SEMA6D: variants seen among roughly 807,000 people sequenced by gnomAD.
The protein encoded by SEMA6D is semaphorin 6D.
A neutral mutation model predicts 106.6 loss-of-function variants in SEMA6D; 35 were observed. The observed-to-expected ratio is 0.33, with a 90% CI of 0.25 to 0.44. The LOEUF is 0.44. Ranked by LOEUF, SEMA6D falls within the 20% of genes least tolerant of loss-of-function variation. SEMA6D has a pLI of 1.00. For synonymous variants in SEMA6D, 499 were observed against 487.7 expected (o/e 1.02, Z -0.31); for missense variants, 1,185 against 1,345.9 (o/e 0.88, Z 1.87).
intron 1 of SEMA6D, among the ~76,000 whole-genome samples, chr15:47,210,823 A>G (rs1208844633): frequency 6.6e-6 from 1 of 151,894 alleles, no homozygotes; most frequent in Non-Finnish European, 1.5e-5. Context: ...GGCTGCGAAA[A>G]TGATGGTCCA....
At chr15:47,429,871 C>A (rs1173004300) in intron 2 of SEMA6D, among the ~76,000 whole-genome samples, 2 of 152,062 alleles carry the variant, frequency 1.3e-5, no homozygotes, top group Admixed American at 1.3e-4. Context: ...AGTTTGGGGA[C>A]CTCAGTAGCA....
chr15:47,727,165 T>C (rs1163496455), intron 1 of SEMA6D, among the ~76,000 whole-genome samples: 1 of 152,190 alleles, frequency 6.6e-6, no homozygotes, highest in Non-Finnish European at 1.5e-5. Context: ...ATCTGAATAA[T>C]GTCATAAAAA....
At chr15:47,603,102 A>C (rs1294946574) in intron 4 of SEMA6D, among the ~76,000 whole-genome samples, 1 of 152,160 alleles carries the variant, frequency 6.6e-6, no homozygotes, top group Non-Finnish European at 1.5e-5. Context: ...ATGTGAAGAT[A>C]CTGGTGTTTT....
intron 2 of SEMA6D, among the ~76,000 whole-genome samples, chr15:47,458,004 A>G (rs2042395484): frequency 6.6e-6 from 1 of 152,024 alleles, no homozygotes; most frequent in Non-Finnish European, 1.5e-5. Flanking sequence ...AACCTCTTAA[A>G]GTACTGAAAG....
At chr15:47,764,593 G>A (rs200011469) in intron 11 of SEMA6D, 45 bp from the exon 12 acceptor site, 33 of 1,606,352 alleles carry the variant, frequency 2.1e-5, no homozygotes, top group Admixed American at 2.0e-4. Flanking sequence ...TACATGGTGT[G>A]GCAGGGGCAG....
chr15:47,697,285 C>T (rs886994824), intron 4 of SEMA6D, among the ~76,000 whole-genome samples: 2 of 152,178 alleles, frequency 1.3e-5, no homozygotes, highest in East Asian at 1.9e-4. Flanking sequence ...AAGGACATGT[C>T]TGTTCACAGG....
chr15:47,279,736 AG>A (rs1240427737), intron 1 of SEMA6D, among the ~76,000 whole-genome samples: 2 of 152,074 alleles, frequency 1.3e-5, no homozygotes, highest in East Asian at 1.9e-4. Flanking sequence ...TTTAGCATGA[AG>A]GGTTGTTGAA....
At chr15:47,221,501 C>T (rs2031207026) in intron 1 of SEMA6D, among the ~76,000 whole-genome samples, 1 of 151,964 alleles carries the variant, frequency 6.6e-6, no homozygotes, top group Non-Finnish European at 1.5e-5. Context: ...TCCAAGGACC[C>T]CAATGACATC....
intron 5 of SEMA6D, 47 bp downstream of exon 5, chr15:47,761,267 C>A (rs1452779330): frequency 1.9e-6 from 3 of 1,606,558 alleles, no homozygotes; most frequent in Middle Eastern, 3.3e-4. Context: ...TTTCTGTGGG[C>A]TTGATACCAC....
rs1169295855 is a variant in SEMA6D, at chr15:47,422,176, GCCTGCCTT to G, written c.-159+9708_-159+9715del. On this transcript the variant is annotated intron_variant, in intron 2 of 19. Transcript: ENST00000558014. ...ACTCTTATTTTTTGCCCGCCCGCCT[GCCTGCCTT>G]CCTTCCTTCCTTCCTTCCTTCCTTC... 6.7e-5 allele frequency among the ~76,000 whole-genome samples: 5 copies of G among 74,800 alleles called. No individual in the cohort carries two copies. The South Asian group carries it at 2.2e-3, about 33-fold the overall frequency. 49.1% of individuals were successfully genotyped at this position (74,800 alleles called of 152,430 possible). A position where few individuals can be genotyped will look rare whatever the true frequency, so the allele number is the denominator to read the frequency against.
intron 3 of SEMA6D, among the ~76,000 whole-genome samples, chr15:47,596,453 C>T (rs1198348594): frequency 6.6e-6 from 1 of 151,980 alleles, no homozygotes; most frequent in East Asian, 1.9e-4. Flanking sequence ...TATAGTATTG[C>T]AAAAGACACC....
chr15:47,518,819 T>C (rs79380386), intron 3 of SEMA6D, among the ~76,000 whole-genome samples: 2,288 of 152,262 alleles, frequency 0.015, 33 homozygotes, highest in African/African-American at 0.034. Context: ...AGACATGAAG[T>C]TGCCTTCTCC....
intron 1 of SEMA6D, among the ~76,000 whole-genome samples, chr15:47,342,671 G>A (rs143799099): frequency 6.6e-6 from 1 of 152,136 alleles, no homozygotes; most frequent in African/African-American, 2.4e-5. Context: ...CTTTTGCTGG[G>A]TGCTTGCGTC....
chr15:47,727,946 G>A lies in SEMA6D; in HGVS notation c.-55+10254G>A, dbSNP rs531649763. 4.8e-4 allele frequency among the ~76,000 whole-genome samples: 73 copies of A among 152,232 alleles called. 1 individual carries two copies. The highest frequency in any genetic ancestry group is 7.3e-5 in the Non-Finnish European group (5 of 68,050). On this transcript the variant is annotated intron_variant, in intron 1 of 18. Coordinates refer to ENST00000536845, the MANE Select transcript of SEMA6D (RefSeq NM_001358351.3). ...AGAGAGAGTGCTCAAGCCGTGCTTG[G>A]AAGAGCTGGAGGCCCAGCAGAAAGC...
At position 47,539,745 on chromosome 15, in the gene SEMA6D, G is replaced by A. The variant is rs1290073286; in HGVS notation, c.-86-61120G>A. Among the ~76,000 whole-genome samples, 3 of 152,242 alleles carry A rather than the reference G, an allele frequency of 2.0e-5. No homozygotes were observed. The South Asian group carries it at 6.2e-4, about 32-fold the overall frequency. On this transcript the variant is annotated intron_variant, in intron 3 of 19. Transcript: ENST00000558014. ...AACAGGAGCAAAGAAAGGAACTACA[G>A]CTCTTGATTATTTGTGCTTAGCACT...
In SEMA6D at chr15:47,312,947, A is replaced by G. The variant is rs188623349; in HGVS notation, c.-238-99446A>G. On this transcript the variant is annotated intron_variant, in intron 1 of 19. Transcript: ENST00000558014. ...AACTTTAGACCATTTTAGGCCAAATATTTTCCCCTTTTTATAGACTTTATT... is the reference window on the plus strand; with the variant it reads ...AACTTTAGACCATTTTAGGCCAAATGTTTTCCCCTTTTTATAGACTTTATT... 4.5e-3 allele frequency among the ~76,000 whole-genome samples: 682 copies of G among 152,164 alleles called. 3 individuals are homozygous for G. Among genetic ancestry groups the G allele is most frequent in the Admixed American group, 8.1e-3 (124 of 15,290 alleles).
At chr15:47,649,549 A>G (rs2077645944) in intron 4 of SEMA6D, among the ~76,000 whole-genome samples, 1 of 152,208 alleles carries the variant, frequency 6.6e-6, no homozygotes, top group Admixed American at 6.5e-5. Context: ...GGCTGAAGCC[A>G]GAGGATCGCT....
intron 1 of SEMA6D, among the ~76,000 whole-genome samples, chr15:47,383,689 A>G (rs2039721924): frequency 6.6e-6 from 1 of 152,218 alleles, no homozygotes; most frequent in Admixed American, 6.5e-5. Flanking sequence ...CCATTTTGTA[A>G]GATAATAAAA....
intron 3 of SEMA6D, among the ~76,000 whole-genome samples, chr15:47,506,212 C>T (rs1307232288): frequency 1.3e-5 from 2 of 152,146 alleles, no homozygotes; most frequent in Non-Finnish European, 2.9e-5. Flanking sequence ...AAAATTTAAA[C>T]ATCACACAAG....
Sources: allele counts gnomAD v4.1 joint callset (sites outside exome capture counted in the v4.1 genomes callset), GRCh38; gene constraint gnomAD v4.1.1; transcripts MANE v1.5; gene names NCBI Gene and HGNC (gene_info 2026-07-23, HGNC 2026-07-21).